Variants in MSTO1 observed in about 807,000 individuals in gnomAD.
The protein encoded by MSTO1 is protein misato homolog 1.
MSTO1 carries 24 observed loss-of-function variants against 55.7 expected under a neutral mutation model. That is an observed-to-expected ratio of 0.43 (90% CI 0.31 to 0.61). The LOEUF is 0.61. Among genes scored for constraint, MSTO1 ranks in the 20% least tolerant of loss-of-function variants. The pLI, the probability that MSTO1 is intolerant of heterozygous loss-of-function variation, is 0.09. For synonymous variants in MSTO1, 162 were observed against 252.8 expected (o/e 0.64, Z 3.41); for missense variants, 363 against 625.7 (o/e 0.58, Z 4.48).
chr1:155,565,393 G>A, the MSTO1 span, among the ~76,000 whole-genome samples: 3 of 151,888 alleles, frequency 2.0e-5, no homozygotes, highest in East Asian at 1.9e-4. Context: ...GTGGACTACT[G>A]TGCCAGGGGA....
the MSTO1 span, among the ~76,000 whole-genome samples, chr1:155,599,578 G>T: frequency 1.3e-5 from 2 of 152,154 alleles, no homozygotes; most frequent in African/African-American, 4.8e-5. Flanking sequence ...GGTGTTTCTC[G>T]TAAGGTGGAA....
the MSTO1 span, among the ~76,000 whole-genome samples, chr1:155,578,731 C>T: frequency 1.3e-5 from 2 of 150,234 alleles, no homozygotes; most frequent in African/African-American, 2.4e-5. Context: ...AAGATGGTCT[C>T]GATCTCCTGA....
the MSTO1 span, among the ~76,000 whole-genome samples, chr1:155,568,548 C>G: frequency 1.3e-5 from 2 of 151,972 alleles, no homozygotes; most frequent in African/African-American, 4.8e-5. Flanking sequence ...AAGTGATTCT[C>G]CTGCTTCAGC....
the MSTO1 span, among the ~76,000 whole-genome samples, chr1:155,600,851 T>C: frequency 6.6e-6 from 1 of 151,884 alleles, no homozygotes; most frequent in East Asian, 1.9e-4. Context: ...TAATTTTTTG[T>C]ATTTTTAGTA....
chr1:155,608,573 C>T (rs1460089075), upstream of MSTO1, among the ~76,000 whole-genome samples: 1 of 148,524 alleles, frequency 6.7e-6, no homozygotes, highest in Non-Finnish European at 1.5e-5. Flanking sequence ...GATCTCGGCT[C>T]ACCGCAAGCT....
the MSTO1 span, among the ~76,000 whole-genome samples, chr1:155,574,860 A>G: frequency 6.7e-6 from 1 of 150,272 alleles, no homozygotes. Flanking sequence ...ATCTAATTTT[A>G]GAACTTTTTC....
the MSTO1 span, among the ~76,000 whole-genome samples, chr1:155,570,928 T>C: frequency 1.3e-5 from 2 of 152,206 alleles, no homozygotes; most frequent in African/African-American, 2.4e-5. Flanking sequence ...AATGCAGCTT[T>C]AAAAGCTGGG....
At chr1:155,594,579 C>T in the MSTO1 span, among the ~76,000 whole-genome samples, 1 of 151,730 alleles carries the variant, frequency 6.6e-6, no homozygotes, top group Non-Finnish European at 1.5e-5. Flanking sequence ...GAATTTGAGA[C>T]TTATTTTGAC....
the MSTO1 span, among the ~76,000 whole-genome samples, chr1:155,575,810 T>A: frequency 6.7e-6 from 1 of 148,672 alleles, no homozygotes; most frequent in Admixed American, 6.7e-5. Context: ...ATTTATTTAT[T>A]TATTTATTTA....
chr1:155,583,389 T>C, the MSTO1 span, among the ~76,000 whole-genome samples: 1 of 151,668 alleles, frequency 6.6e-6, no homozygotes, highest in African/African-American at 2.4e-5. Flanking sequence ...AAATAAAATA[T>C]AGCCACGAGG....
rs1349295717 is a variant in MSTO1 at position 155,614,207 on chromosome 1, A to T, written c.1647A>T (p.Ala549=). 1 of 1,114,162 alleles carries T rather than the reference A, an allele frequency of 9.0e-7. No homozygotes were observed. Among genetic ancestry groups the T allele is most frequent in the Non-Finnish European group, 1.3e-6 (1 of 774,304 alleles). The allele number at this position is 1,114,162 out of a possible 1,614,324, so 69.0% of individuals were successfully genotyped here. A position where few individuals can be genotyped will look rare whatever the true frequency, so the allele number is the denominator to read the frequency against. The change falls in exon 14 of 14, where the codon GCA becomes GCT. Residue 549 remains alanine (A), a synonymous_variant. Transcript: ENST00000245564. ...CTGGAGTGGAGCACGATGACGTAGC[A>T]GAGCTGCTGCAGGAGCTACAAAGCC... ...MDAGVEHDDV[A]ELLQELQSLA...
At chr1:155,574,493 A>G in the MSTO1 span, among the ~76,000 whole-genome samples, 1 of 152,208 alleles carries the variant, frequency 6.6e-6, no homozygotes, top group Non-Finnish European at 1.5e-5. Context: ...TATAACATTA[A>G]GGAAAGCTGA....
rs752566448 is a variant in MSTO1, at chr1:155,613,039, A to G, written c.1099-10A>G. On this transcript the variant is annotated splice_polypyrimidine_tract_variant and intron_variant, in intron 10 of 13. Transcript: ENST00000245564. The stretch of plus-strand genomic sequence containing the variant: ...AATGTCCTATAACGTGTTCTCTTCC[A>G]TCTCTTTAGGTGGTGACAGCAGGAG... 1.7e-5 allele frequency: 27 copies of G among 1,613,526 alleles called. No homozygotes were observed. In the African/African-American group the frequency reaches 3.6e-4, roughly 22 times the overall value.
chr1:155,563,832 G>T, the MSTO1 span: 1 of 342,592 alleles, frequency 2.9e-6, no homozygotes, highest in South Asian at 2.3e-5. Context: ...CATAGGGAAA[G>T]TGCAGAATAT....
chr1:155,580,950 C>G, the MSTO1 span, among the ~76,000 whole-genome samples: 1 of 148,818 alleles, frequency 6.7e-6, no homozygotes, highest in Admixed American at 6.7e-5. Context: ...CTCTAATACT[C>G]TAACACTACC....
chr1:155,601,590 C>A, the MSTO1 span, among the ~76,000 whole-genome samples: 1 of 151,982 alleles, frequency 6.6e-6, no homozygotes, highest in African/African-American at 2.4e-5. Context: ...CTCACCACTG[C>A]CTTCTAGCCT....
chr1:155,607,184 T>C (rs561479427), upstream of MSTO1, among the ~76,000 whole-genome samples: 5 of 151,842 alleles, frequency 3.3e-5, no homozygotes, highest in African/African-American at 1.2e-4. Context: ...GGTTTTTTGT[T>C]TGTTTGTTTG....
chr1:155,585,383 C>G, the MSTO1 span, among the ~76,000 whole-genome samples: 231 of 152,120 alleles, frequency 1.5e-3, 1 homozygote, highest in Middle Eastern at 0.01. Context: ...ATTAGCCAGG[C>G]GTGGTGGCGG....
intron 8 of MSTO1, 51 bp downstream of exon 8, chr1:155,612,367 C>T: frequency 3.2e-6 from 5 of 1,581,850 alleles, no homozygotes; most frequent in Non-Finnish European, 4.3e-6. Context: ...AGGGAGAAAT[C>T]AGAATCCCAG....
Sources: gnomAD v4.1 joint callset for allele counts (sites outside exome capture counted in the v4.1 genomes callset) on GRCh38, gnomAD v4.1.1 for gene constraint, MANE v1.5 for transcripts, NCBI Gene and HGNC (gene_info 2026-07-23, HGNC 2026-07-21) for gene names.